GLMN: variants seen among roughly 807,000 people sequenced by gnomAD.
GLMN encodes glomulin, FKBP associated protein, also known as glomulin.
GLMN carries 75 observed loss-of-function variants against 87.8 expected under a neutral mutation model. The observed-to-expected ratio is 0.85, with a 90% CI of 0.71 to 1.04. The LOEUF (loss-of-function observed/expected upper bound fraction) is 1.04. GLMN is among the 50% of genes least tolerant of loss of function. The pLI is 0.00. For missense variants in GLMN, 588 were observed against 658.8 expected, an observed-to-expected ratio of 0.89 and a Z score of 1.18; for synonymous variants, 206 against 221.6, an observed-to-expected ratio of 0.93 and a Z score of 0.63.
the GLMN span, among the ~76,000 whole-genome samples, chr1:92,354,598 A>C: frequency 6.6e-6 from 1 of 152,238 alleles, no homozygotes; most frequent in Non-Finnish European, 1.5e-5. Context: ...CTAAAGCATT[A>C]AATGCAAACA....
intron 7 of GLMN, among the ~76,000 whole-genome samples, chr1:92,283,049 C>A (rs1009587540): frequency 6.6e-6 from 1 of 152,110 alleles, no homozygotes; most frequent in Non-Finnish European, 1.5e-5. Context: ...ACCAGAGGTA[C>A]AAAGAGGAGA....
the GLMN span, among the ~76,000 whole-genome samples, chr1:92,327,383 T>A: frequency 6.6e-6 from 1 of 152,266 alleles, no homozygotes. Flanking sequence ...TATTTTCCTA[T>A]TGGACTAGTC....
chr1:92,266,465 G>A lies in GLMN; in HGVS notation c.1168C>T (p.Leu390=), dbSNP rs369175311. ...LRKKSLAMLQ[L]YINKLDSQGK... ...TGTGAATCCAACTTGTTAATATACAGCTGAAGCATAGCTAAACTCTTTTTC... is the reference window on the plus strand; with the variant it reads ...TGTGAATCCAACTTGTTAATATACAACTGAAGCATAGCTAAACTCTTTTTC... The change falls in exon 13 of 19, where the codon CTG becomes TTG. Residue 390 remains leucine (L), a synonymous_variant. Transcript: ENST00000370360. 121 of 1,573,870 alleles carry A rather than the reference G, an allele frequency of 7.7e-5. No individual in the cohort carries two copies. The highest frequency in any genetic ancestry group is 4.0e-4 in the Admixed American group (24 of 59,792).
At chr1:92,349,783 C>G in the GLMN span, among the ~76,000 whole-genome samples, 1 of 152,052 alleles carries the variant, frequency 6.6e-6, no homozygotes, top group East Asian at 1.9e-4. Flanking sequence ...AAAACATTAG[C>G]CAGGCACAGT....
the GLMN span, among the ~76,000 whole-genome samples, chr1:92,304,542 A>T: frequency 2.1e-4 from 32 of 152,196 alleles, no homozygotes; most frequent in Admixed American, 5.9e-4. Flanking sequence ...GGTATTAAAA[A>T]TTTTTTTGCT....
chr1:92,365,143 C>T, the GLMN span, among the ~76,000 whole-genome samples: 2,124 of 152,196 alleles, frequency 0.014, 49 homozygotes, highest in African/African-American at 0.048. Context: ...TCCTTAACAC[C>T]CCACAGTCAG....
chr1:92,250,744 G>C (rs1476840454), intron 16 of GLMN, among the ~76,000 whole-genome samples: 3 of 152,096 alleles, frequency 2.0e-5, no homozygotes, highest in African/African-American at 4.8e-5. Flanking sequence ...TACATAATCA[G>C]TGTGCTTGCC....
At chr1:92,305,879 C>T in the GLMN span, among the ~76,000 whole-genome samples, 1 of 152,126 alleles carries the variant, frequency 6.6e-6, no homozygotes, top group Non-Finnish European at 1.5e-5. Context: ...AATGGCTTGG[C>T]ATTTGTCTGG....
At chr1:92,259,232 G>T (rs143422901) in intron 16 of GLMN, among the ~76,000 whole-genome samples, 1 of 151,986 alleles carries the variant, frequency 6.6e-6, no homozygotes, top group Non-Finnish European at 1.5e-5. Context: ...ATTGTAATTC[G>T]AAACAACTAA....
At chr1:92,295,641 G>A (rs777477788) in intron 3 of GLMN, among the ~76,000 whole-genome samples, 2 of 152,054 alleles carry the variant, frequency 1.3e-5, no homozygotes, top group South Asian at 2.1e-4. Flanking sequence ...AAAACCATAC[G>A]CCATACAGCA....
intron 7 of GLMN, among the ~76,000 whole-genome samples, chr1:92,273,993 T>C (rs1177715042): frequency 1.3e-5 from 2 of 152,204 alleles, no homozygotes; most frequent in Non-Finnish European, 2.9e-5. Flanking sequence ...CTAGTAGTTC[T>C]GTACCAAAAT....
chr1:92,311,050 A>T, the GLMN span, among the ~76,000 whole-genome samples: 22 of 152,214 alleles, frequency 1.4e-4, 1 homozygote, highest in Admixed American at 1.4e-3. Context: ...TTACTACATG[A>T]AATGCCTCTG....
At chr1:92,314,617 C>G in the GLMN span, among the ~76,000 whole-genome samples, 11 of 151,338 alleles carry the variant, frequency 7.3e-5, no homozygotes, top group Non-Finnish European at 1.5e-4. Context: ...GTGGCATGCA[C>G]CTGTAATCCC....
At chr1:92,280,118 G>C (rs901778579) in intron 7 of GLMN, among the ~76,000 whole-genome samples, 11 of 152,230 alleles carry the variant, frequency 7.2e-5, no homozygotes, top group African/African-American at 1.7e-4. Context: ...GGTTCTCTCA[G>C]CATAGCATTC....
the GLMN span, among the ~76,000 whole-genome samples, chr1:92,322,981 T>C: frequency 6.8e-6 from 1 of 147,332 alleles, no homozygotes; most frequent in African/African-American, 2.5e-5. Context: ...CAAGTATATA[T>C]TATATATGTA....
At chr1:92,301,605 G>A, upstream of GLMN, 1 of 1,096,416 alleles carries the variant, frequency 9.1e-7, no homozygotes, top group Admixed American at 2.6e-5. Context: ...GTGTTAAGTT[G>A]ACAAATTATT....
At chr1:92,370,005 C>T in the GLMN span, among the ~76,000 whole-genome samples, 1 of 152,312 alleles carries the variant, frequency 6.6e-6, no homozygotes, top group South Asian at 2.1e-4. Flanking sequence ...GTGCCTCATC[C>T]TCCCAAGTAG....
At chr1:92,289,173 C>A in intron 5 of GLMN, 22 bp from the exon 6 acceptor site, 2 of 1,364,640 alleles carry the variant, frequency 1.5e-6, no homozygotes, top group South Asian at 1.2e-5. Flanking sequence ...ATCAAGTTGT[C>A]GCTCATCAAG....
At chr1:92,335,352 G>C in the GLMN span, among the ~76,000 whole-genome samples, 2 of 152,092 alleles carry the variant, frequency 1.3e-5, no homozygotes, top group East Asian at 3.8e-4. Context: ...GAACATGTGT[G>C]AAACTTTTTA....
Sources: gnomAD v4.1 joint callset for allele counts (sites outside exome capture counted in the v4.1 genomes callset) on GRCh38, gnomAD v4.1.1 for gene constraint, MANE v1.5 for transcripts, NCBI Gene and HGNC (gene_info 2026-07-23, HGNC 2026-07-21) for gene names.